The following PRKCE variants were observed in gnomAD, a reference collection of about 807,000 sequenced individuals.
PRKCE encodes protein kinase C epsilon.
In PRKCE, 16 loss-of-function variants were observed where a neutral mutation model predicts 85.4. That is an observed-to-expected ratio of 0.19 (90% CI 0.13 to 0.28). The LOEUF is 0.28. PRKCE is among the 10% of genes least tolerant of loss of function. PRKCE has a pLI of 1.00. For missense variants in PRKCE, 573 were observed against 975.2 expected (o/e 0.59, Z 5.49); for synonymous variants, 388 against 371.5 (o/e 1.04, Z -0.51).
chr2:45,951,593 C>T (rs1203492407), intron 2 of PRKCE, among the ~76,000 whole-genome samples: 2 of 152,224 alleles, frequency 1.3e-5, no homozygotes, highest in East Asian at 1.9e-4. Context: ...GTGCCGCTCT[C>T]CCTAGGACCA....
intron 1 of PRKCE, among the ~76,000 whole-genome samples, chr2:45,828,282 C>G (rs1481016463): frequency 6.6e-6 from 1 of 152,208 alleles, no homozygotes; most frequent in African/African-American, 2.4e-5. Flanking sequence ...TATTGATAAT[C>G]CCAACTACTC....
intron 1 of PRKCE, among the ~76,000 whole-genome samples, chr2:45,813,302 A>G (rs1688782812): frequency 6.6e-6 from 1 of 152,190 alleles, no homozygotes; most frequent in Non-Finnish European, 1.5e-5. Context: ...GTCATTTTCA[A>G]AAGAAGGGCC....
intron 1 of PRKCE, among the ~76,000 whole-genome samples, chr2:45,701,845 T>C (rs953650836): frequency 6.6e-6 from 1 of 152,150 alleles, no homozygotes; most frequent in Non-Finnish European, 1.5e-5. Context: ...GTCTAGATTA[T>C]TTTTTTCCTT....
At chr2:46,031,638 A>C (rs868776910) in intron 10 of PRKCE, among the ~76,000 whole-genome samples, 14 of 132,522 alleles carry the variant, frequency 1.1e-4, no homozygotes, top group Non-Finnish European at 1.7e-4. Context: ...GTGTGTGTAG[A>C]AAAAACCCAC....
At chr2:45,958,204 A>G (rs1370654266) in intron 2 of PRKCE, among the ~76,000 whole-genome samples, 10 of 150,056 alleles carry the variant, frequency 6.7e-5, no homozygotes, top group African/African-American at 1.7e-4. Context: ...AAAAAAAAAA[A>G]AAAAAAAAAG....
intron 11 of PRKCE, among the ~76,000 whole-genome samples, chr2:46,102,498 A>G (rs1459815187): frequency 6.6e-6 from 1 of 152,236 alleles, no homozygotes; most frequent in African/African-American, 2.4e-5. Flanking sequence ...TTAATGAACT[A>G]ATACTGACAC....
At chr2:45,763,605 G>A (rs1573252632) in intron 1 of PRKCE, among the ~76,000 whole-genome samples, 1 of 151,872 alleles carries the variant, frequency 6.6e-6, no homozygotes, top group African/African-American at 2.4e-5. Context: ...GTAATACTCA[G>A]TGTAGGGCTT....
intron 1 of PRKCE, among the ~76,000 whole-genome samples, chr2:45,711,916 C>T (rs1315571829): frequency 2.6e-5 from 4 of 152,116 alleles, no homozygotes; most frequent in African/African-American, 7.2e-5. Context: ...AGCCAACACG[C>T]CCGGCCTCCA....
chr2:45,825,546 G>A (rs1255638063), intron 1 of PRKCE, among the ~76,000 whole-genome samples: 1 of 152,132 alleles, frequency 6.6e-6, no homozygotes, highest in African/African-American at 2.4e-5. Flanking sequence ...CAGACAGTTA[G>A]TTCAGTGGTG....
At chr2:46,007,364 G>A (rs993573444) in intron 8 of PRKCE, 98 bp from the exon 9 acceptor site, 1 of 1,192,684 alleles carries the variant, frequency 8.4e-7, no homozygotes, top group African/African-American at 1.5e-5. Context: ...CCAGAAAGAG[G>A]ACTGAGAGCT....
intron 2 of PRKCE, among the ~76,000 whole-genome samples, chr2:45,869,118 A>G (rs888296581): frequency 2.0e-5 from 3 of 152,204 alleles, no homozygotes; most frequent in Non-Finnish European, 2.9e-5. Flanking sequence ...TAGGTGATCT[A>G]CTTTTTAGCT....
At chr2:45,750,436 T>G (rs149956249) in intron 1 of PRKCE, among the ~76,000 whole-genome samples, 1 of 152,308 alleles carries the variant, frequency 6.6e-6, no homozygotes, top group Non-Finnish European at 1.5e-5. Context: ...CTCCTTCCCA[T>G]ACCAAAATTT....
chr2:45,896,742 C>T (rs1038530426), intron 2 of PRKCE, among the ~76,000 whole-genome samples: 7 of 152,122 alleles, frequency 4.6e-5, no homozygotes, highest in Admixed American at 3.9e-4. Context: ...CCAACAGTGA[C>T]TTAGGTGCGC....
At chr2:45,693,401 T>G (rs573206704) in intron 1 of PRKCE, among the ~76,000 whole-genome samples, 1 of 152,104 alleles carries the variant, frequency 6.6e-6, no homozygotes, top group Non-Finnish European at 1.5e-5. Context: ...AATGGCAGTG[T>G]GATGGTTGGA....
intron 1 of PRKCE, among the ~76,000 whole-genome samples, chr2:45,790,478 A>C (rs567853076): frequency 2.3e-4 from 35 of 152,338 alleles, no homozygotes; most frequent in African/African-American, 7.9e-4. Context: ...GCAAGTTTTC[A>C]AGGCTTGTAG....
At chr2:45,849,605 C>T (rs1456705256) in intron 2 of PRKCE, among the ~76,000 whole-genome samples, 3 of 152,198 alleles carry the variant, frequency 2.0e-5, no homozygotes, top group Non-Finnish European at 2.9e-5. Flanking sequence ...GCTGATCAGG[C>T]TCCCTCACAT....
At chr2:46,022,915 C>G (rs1706789649) in intron 10 of PRKCE, among the ~76,000 whole-genome samples, 1 of 151,440 alleles carries the variant, frequency 6.6e-6, no homozygotes, top group Non-Finnish European at 1.5e-5. Flanking sequence ...AATCCCGTCT[C>G]TACTAAAAAT....
chr2:46,100,712 G>A lies in PRKCE; in HGVS notation c.1592+14350G>A, dbSNP rs558942285. 2.0e-5 allele frequency among the ~76,000 whole-genome samples: 3 copies of A among 152,334 alleles called. No individual in the cohort carries two copies. In the South Asian group the frequency reaches 6.2e-4, roughly 32 times the overall value. ...TTGTTTGAAGAGCAGTATAATTTAAGCAGACATTCATTTATTCACTCAACA... is the reference window on the plus strand; with the variant it reads ...TTGTTTGAAGAGCAGTATAATTTAAACAGACATTCATTTATTCACTCAACA... On this transcript the variant is annotated intron_variant, in intron 11 of 14. Coordinates refer to ENST00000306156, the MANE Select transcript of PRKCE (RefSeq NM_005400.3).
At chr2:45,958,810 ATATATATTTTTTTTTTTTTTTTT>A (rs1156277445) in intron 2 of PRKCE, among the ~76,000 whole-genome samples, 6 of 24,006 alleles carry the variant, frequency 2.5e-4, no homozygotes, top group Non-Finnish European at 2.8e-4. Flanking sequence ...ATATATATAT[ATATATATTTTTTTTTTTTTTTTT>A]TTTTTTTTTT....
Sources: allele counts gnomAD v4.1 joint callset (sites outside exome capture counted in the v4.1 genomes callset), GRCh38; gene constraint gnomAD v4.1.1; transcripts MANE v1.5; gene names NCBI Gene and HGNC (gene_info 2026-07-23, HGNC 2026-07-21).